The following ABHD8 variants were observed in gnomAD, a reference collection of about 807,000 sequenced individuals.
ABHD8 encodes abhydrolase domain containing 8.
In ABHD8, 10 loss-of-function variants were observed where a neutral mutation model predicts 29.3. The observed-to-expected ratio is 0.34, with a 90% CI of 0.21 to 0.58. ABHD8 has a LOEUF of 0.58. Ranked by LOEUF, ABHD8 falls within the 20% of genes least tolerant of loss-of-function variation. ABHD8 has a pLI of 0.85. For missense variants in ABHD8, 556 were observed against 615.3 expected, an observed-to-expected ratio of 0.90 and a Z score of 1.02; for synonymous variants, 282 against 274.6, an observed-to-expected ratio of 1.03 and a Z score of -0.27.
At chr19:17,299,235 C>A (rs1177794823) in intron 2 of ABHD8, among the ~76,000 whole-genome samples, 1 of 10,810 alleles carries the variant, frequency 9.3e-5, no homozygotes, top group Non-Finnish European at 2.3e-4. Context: ...CATAATGAGA[C>A]CCCCCCCCCA....
chr19:17,301,556 C>T lies in ABHD8; in HGVS notation c.61G>A (p.Val21Met), dbSNP rs147808769. The change falls in exon 2 of 5, where the codon GTG (valine) becomes ATG (methionine). Residue 21 changes from valine (V) to methionine (M), a missense_variant. Physicochemically the swap from Val to Met is conservative, Grantham distance 21. Around this residue, in one of 2 missense-constraint regions of ABHD8, gnomAD observed 286 missense variants for 261.4 expected, o/e 1.09. Transcript: ENST00000247706. ...CCLLGTPPNA[V>M]GPLESVESSD... is the part of the protein sequence containing the mutation. ...GACTCGACGCTCTCCAGTGGCCCCA[C>T]GGCGTTGGGGGGCGTGCCCAGCAGG... The T allele has an allele frequency of 3.1e-3, 4,975 of 1,605,100 alleles. 15 individuals are homozygous for T. Among genetic ancestry groups the T allele is most frequent in the Non-Finnish European group, 3.9e-3 (4,634 of 1,175,500 alleles).
At chr19:17,302,006 C>T (rs901278702) in intron 1 of ABHD8, among the ~76,000 whole-genome samples, 1 of 152,078 alleles carries the variant, frequency 6.6e-6, no homozygotes, top group Non-Finnish European at 1.5e-5. Flanking sequence ...GTTGGCCAGG[C>T]TGGTCTTGAA....
intron 2 of ABHD8, among the ~76,000 whole-genome samples, chr19:17,299,074 A>G (rs1486014993): frequency 6.6e-6 from 1 of 152,156 alleles, no homozygotes; most frequent in South Asian, 2.1e-4. Context: ...ATGTGAAACA[A>G]TATCAGTGAT....
Position 17,301,413 on chromosome 19 carries a change from G to C in ABHD8, c.204C>G (p.Ala68=). The C allele has an allele frequency of 6.2e-7, 1 of 1,612,136 alleles. No homozygotes were observed. Among genetic ancestry groups the C allele is most frequent in the Non-Finnish European group, 8.5e-7 (1 of 1,179,908 alleles). Reference sequence around the variant, plus strand: ...GGACCAAGCCGGAGAGGTCCCCCTGGGCTGCATCCGAGGATGCGGATGATG... The same window carrying C: ...GGACCAAGCCGGAGAGGTCCCCCTGCGCTGCATCCGAGGATGCGGATGATG... ...PPPSSASSDA[A]QGDLSGLVRC... is the part of the protein sequence containing the mutation. Residue 68 remains alanine (A), a synonymous_variant, in exon 2 of 5, where the codon GCC becomes GCG. Coordinates refer to ENST00000247706, the MANE Select transcript of ABHD8 (RefSeq NM_024527.5).
chr19:17,298,906 A>G (rs775340254), intron 2 of ABHD8, among the ~76,000 whole-genome samples: 1 of 151,714 alleles, frequency 6.6e-6, no homozygotes, highest in Non-Finnish European at 1.5e-5. Flanking sequence ...ATGCCTGGTT[A>G]ATTTTTTGTA....
chr19:17,298,064 GC>G (rs1313457264), intron 2 of ABHD8: 1 of 151,922 alleles, frequency 6.6e-6, no homozygotes, highest in East Asian at 1.9e-4. Flanking sequence ...ACAGGCGCCT[GC>G]CACCATGCCT....
rs541490873 is a variant in ABHD8 at position 17,292,136 on chromosome 19, T to C, written c.*525A>G. ...CCCAGCACAGGTCCGGAGACTCCGA[T>C]TGTCACTTCTGTTTATTGAGTTACA... On this transcript the variant is annotated 3_prime_UTR_variant, in exon 5 of 5. Transcript: ENST00000247706. 89 of 158,758 alleles carry C rather than the reference T, an allele frequency of 5.6e-4. 1 individual carries two copies. The Middle Eastern group carries it at 9.4e-3, about 17-fold the overall frequency. 9.8% of individuals were successfully genotyped at this position (158,758 alleles called of 1,614,324 possible).
At position 17,303,264 on chromosome 19, in the gene ABHD8, G is replaced by A. The variant is rs1428820492; in HGVS notation, c.-31C>T. The A allele has an allele frequency of 6.6e-6, 1 of 152,268 alleles. No homozygotes were observed. The highest frequency in any genetic ancestry group is 1.9e-4 in the East Asian group (1 of 5,174). 9.4% of individuals were successfully genotyped at this position (152,268 alleles called of 1,614,324 possible). On this transcript the variant is annotated 5_prime_UTR_variant, in exon 1 of 5. Transcript: ENST00000247706. ...CACCTCATCGAGGGCCGCGGGGCCCGGGTCGGGGCGGAGGGGTCCCAGGCG... is the reference window on the plus strand; with the variant it reads ...CACCTCATCGAGGGCCGCGGGGCCCAGGTCGGGGCGGAGGGGTCCCAGGCG...
At chr19:17,299,466 C>G (rs2074107846) in intron 2 of ABHD8, among the ~76,000 whole-genome samples, 1 of 146,904 alleles carries the variant, frequency 6.8e-6, no homozygotes, top group African/African-American at 2.5e-5. Context: ...GAGGCTGAGG[C>G]AGGAGAATGG....
chr19:17,292,600 A>C lies in ABHD8; in HGVS notation c.*61T>G. 1 of 1,508,370 alleles carries C rather than the reference A, an allele frequency of 6.6e-7. No individual in the cohort carries two copies. The highest frequency in any genetic ancestry group is 1.3e-5 in the South Asian group (1 of 78,960). The allele number at this position is 1,508,370 out of a possible 1,614,324, so 93.4% of individuals were successfully genotyped here. A position where few individuals can be genotyped will look rare whatever the true frequency, so the allele number is the denominator to read the frequency against. ...GTGGTCTGCGCTGCAGACCTGGCGC[A>C]GGCTCGGGCCTCCTCCTGCTGCGGC... On this transcript the variant is annotated 3_prime_UTR_variant, in exon 5 of 5. Coordinates refer to ENST00000247706, the MANE Select transcript of ABHD8 (RefSeq NM_024527.5).
intron 2 of ABHD8, among the ~76,000 whole-genome samples, 186 bp downstream of exon 2, chr19:17,300,670 G>T (rs1485474441): frequency 6.6e-6 from 1 of 152,154 alleles, no homozygotes; most frequent in Non-Finnish European, 1.5e-5. Context: ...TAGAGACGGG[G>T]TTTCACCACC....
intron 4 of ABHD8, among the ~76,000 whole-genome samples, chr19:17,293,344 G>A (rs148142522): frequency 1.6e-3 from 239 of 151,950 alleles, no homozygotes; most frequent in African/African-American, 5.6e-3. Context: ...CGATCTGCCC[G>A]CCTCGGTCTC....
intron 2 of ABHD8, among the ~76,000 whole-genome samples, chr19:17,299,157 C>T (rs2074105604): frequency 6.6e-6 from 1 of 151,980 alleles, no homozygotes; most frequent in Non-Finnish European, 1.5e-5. Context: ...TGCCTGTTAC[C>T]CCACCACATC....
intron 2 of ABHD8, chr19:17,297,917 CTTTTTTT>C (rs11299354): frequency 7.3e-6 from 1 of 136,186 alleles, no homozygotes; most frequent in East Asian, 2.2e-4. Flanking sequence ...TTTCTTTTTT[CTTTTTTT>C]TTTTTTTTGA....
At chr19:17,292,857 A>T in intron 4 of ABHD8, 26 bp from the exon 5 acceptor site, 1 of 1,601,700 alleles carries the variant, frequency 6.2e-7, no homozygotes. Flanking sequence ...GGCTCAAGGT[A>T]GGCGGGGGCA....
At position 17,301,160 on chromosome 19, in the gene ABHD8, G is replaced by C. The variant is rs765241379; in HGVS notation, c.457C>G (p.Arg153Gly). The change falls in exon 2 of 5, where the codon CGC (arginine) becomes GGC (glycine). Residue 153 changes from arginine to glycine, a missense_variant. Arg to Gly is a moderately radical substitution (Grantham distance 125). Around this residue, in one of 2 missense-constraint regions of ABHD8, gnomAD observed 286 missense variants for 261.4 expected, o/e 1.09. Coordinates refer to ENST00000247706, the MANE Select transcript of ABHD8 (RefSeq NM_024527.5). ...GSGGRRRRAR[R>G]PKRTIHIDCE... Reference sequence around the variant, plus strand: ...TCAATATGGATGGTCCTCTTGGGGCGCCTGGCTCGCCGCCGCCGCCCACCA... The same window carrying C: ...TCAATATGGATGGTCCTCTTGGGGCCCCTGGCTCGCCGCCGCCGCCCACCA... The C allele has an allele frequency of 6.2e-7, 1 of 1,610,148 alleles. No homozygotes were observed. The highest frequency in any genetic ancestry group is 1.3e-5 in the African/African-American group (1 of 74,874).
intron 1 of ABHD8, chr19:17,302,382 G>A (rs890721775): frequency 2.4e-4 from 36 of 150,372 alleles, no homozygotes; most frequent in African/African-American, 8.0e-4. Flanking sequence ...CATTCATTCA[G>A]GTATACACTA....
chr19:17,301,998 T>G (rs2074122360), intron 1 of ABHD8, among the ~76,000 whole-genome samples: 1 of 152,124 alleles, frequency 6.6e-6, no homozygotes, highest in Non-Finnish European at 1.5e-5. Context: ...TTCACCATGT[T>G]GGCCAGGCTG....
intron 4 of ABHD8, among the ~76,000 whole-genome samples, chr19:17,293,696 T>G (rs558674364): frequency 0.011 from 1,696 of 151,776 alleles, 29 homozygotes; most frequent in African/African-American, 0.039. Context: ...TTTTGTTTTT[T>G]TTTTTTTTTC....
Sources: gnomAD v4.1 joint callset for allele counts (sites outside exome capture counted in the v4.1 genomes callset) on GRCh38, gnomAD v4.1.1 for gene constraint, gnomAD v4.1.1 regional missense constraint, MANE v1.5 for transcripts, NCBI Gene and HGNC (gene_info 2026-07-23, HGNC 2026-07-21) for gene names.